ZBTB44: variants seen among roughly 807,000 people sequenced by gnomAD.
ZBTB44 encodes zinc finger and BTB domain-containing protein 44.
A neutral mutation model predicts 54.0 loss-of-function variants in ZBTB44; 15 were observed. That is an observed-to-expected ratio of 0.28 (90% confidence interval 0.19 to 0.43). ZBTB44 has a LOEUF of 0.43. Among genes scored for constraint, ZBTB44 ranks in the 20% least tolerant of loss-of-function variants. ZBTB44 has a pLI of 1.00. For synonymous variants in ZBTB44, 230 were observed against 250.1 expected (o/e 0.92, Z 0.76); for missense variants, 487 against 707.1 (o/e 0.69, Z 3.53).
chr11:130,301,177 A>T (rs1238498636), intron 1 of ZBTB44, among the ~76,000 whole-genome samples: 1 of 152,182 alleles, frequency 6.6e-6, no homozygotes, highest in African/African-American at 2.4e-5. Flanking sequence ...GCGGAGGCCC[A>T]GGCTGGGGAG....
intron 2 of ZBTB44, among the ~76,000 whole-genome samples, chr11:130,240,127 T>C (rs556536377): frequency 2.6e-5 from 4 of 151,278 alleles, no homozygotes; most frequent in East Asian, 2.0e-4. Flanking sequence ...CTGCAAGCTC[T>C]GCCTCCTGGG....
chr11:130,296,627 C>A lies in ZBTB44; in HGVS notation c.-57+17748G>T, dbSNP rs191458898. The A allele has an allele frequency of 4.6e-5, 41 of 893,866 alleles. No individual in the cohort carries two copies. In the East Asian group the frequency reaches 4.7e-4, roughly 10 times the overall value. The allele number at this position is 893,866 out of a possible 1,614,324, so 55.4% of individuals were successfully genotyped here. A position where few individuals can be genotyped will look rare whatever the true frequency, so the allele number is the denominator to read the frequency against. On this transcript the variant is annotated intron_variant, in intron 1 of 7. Transcript: ENST00000357899. ...CCTAAATGGGAGAAGACATGCCTTGCCCATTTTGGGCCCAGAATAATTGGG... is the reference window on the plus strand; with the variant it reads ...CCTAAATGGGAGAAGACATGCCTTGACCATTTTGGGCCCAGAATAATTGGG...
chr11:130,240,190 C>T (rs975825436), intron 2 of ZBTB44, among the ~76,000 whole-genome samples: 2 of 152,062 alleles, frequency 1.3e-5, no homozygotes, highest in African/African-American at 2.4e-5. Context: ...TACGGGCGCC[C>T]GACACCACGC....
intron 2 of ZBTB44, among the ~76,000 whole-genome samples, chr11:130,244,629 T>C (rs556457029): frequency 3.2e-4 from 45 of 141,276 alleles, no homozygotes; most frequent in African/African-American, 1.2e-3. Context: ...ATTGCGCCAC[T>C]GCACTCCAGC....
At position 130,239,909 on chromosome 11, in the gene ZBTB44, G is replaced by C; in HGVS notation, c.1019-13C>G. The C allele has an allele frequency of 6.3e-7, 1 of 1,598,580 alleles. No homozygotes were observed. The highest frequency in any genetic ancestry group is 8.6e-7 in the Non-Finnish European group (1 of 1,169,426). ...TCATCTACTGAGCCTGTGAATAAGA[G>C]AAAGAGGACCACTGTAATCCTTTGG... On this transcript the variant is annotated splice_polypyrimidine_tract_variant and intron_variant, in intron 2 of 7. Coordinates refer to ENST00000357899, the MANE Select transcript of ZBTB44 (RefSeq NM_001301098.2).
At chr11:130,311,044 T>C (rs1475967781) in intron 1 of ZBTB44, among the ~76,000 whole-genome samples, 1 of 152,226 alleles carries the variant, frequency 6.6e-6, no homozygotes, top group East Asian at 1.9e-4. Flanking sequence ...GTATTTCAAG[T>C]GACTTTTGAA....
At chr11:130,290,424 C>G (rs1448647057) in intron 1 of ZBTB44, among the ~76,000 whole-genome samples, 1 of 152,166 alleles carries the variant, frequency 6.6e-6, no homozygotes, top group Admixed American at 6.6e-5. Flanking sequence ...CCACAGAAAA[C>G]TAATACAATT....
chr11:130,311,656 C>A (rs1190688730), intron 1 of ZBTB44, among the ~76,000 whole-genome samples: 2 of 152,104 alleles, frequency 1.3e-5, no homozygotes, highest in East Asian at 1.9e-4. Flanking sequence ...TTTCTTAGTT[C>A]TCTCCTCTCA....
intron 4 of ZBTB44, among the ~76,000 whole-genome samples, chr11:130,237,525 G>A (rs1471796343): frequency 6.6e-6 from 1 of 152,130 alleles, no homozygotes; most frequent in East Asian, 1.9e-4. Flanking sequence ...AGAGAAACGA[G>A]AAGAAAGAAC....
intron 1 of ZBTB44, among the ~76,000 whole-genome samples, chr11:130,265,199 C>T (rs1447557209): frequency 6.6e-6 from 1 of 152,118 alleles, no homozygotes; most frequent in Non-Finnish European, 1.5e-5. Context: ...TCTAAATGAC[C>T]AAGTGAAAGG....
At chr11:130,257,238 T>TA (rs572669481) in intron 2 of ZBTB44, among the ~76,000 whole-genome samples, 3,275 of 109,148 alleles carry the variant, frequency 0.03, 127 homozygotes, top group African/African-American at 0.085. Context: ...TCCCAGATCT[T>TA]AAAAAAAAAA....
intron 1 of ZBTB44, among the ~76,000 whole-genome samples, chr11:130,272,724 C>A (rs1939767367): frequency 6.7e-6 from 1 of 149,748 alleles, no homozygotes; most frequent in African/African-American, 2.4e-5. Context: ...AAGTTTCAGG[C>A]CTTTAACCTA....
rs1246971626 is a variant in ZBTB44, at chr11:130,229,817, T to A, written c.*1947A>T. 1 of 152,162 alleles carries A rather than the reference T, an allele frequency of 6.6e-6. No homozygotes were observed. The highest frequency in any genetic ancestry group is 2.4e-5 in the African/African-American group (1 of 41,452). 9.4% of individuals were successfully genotyped at this position (152,162 alleles called of 1,614,324 possible). ...TAACTTACTTACAGTGAAAACTACA[T>A]TTATTTATTACCTTCTGGCAACTTT... On this transcript the variant is annotated 3_prime_UTR_variant, in exon 8 of 8. Transcript: ENST00000357899.
intron 1 of ZBTB44, among the ~76,000 whole-genome samples, chr11:130,290,008 T>C (rs1176724810): frequency 6.6e-6 from 1 of 152,216 alleles, no homozygotes; most frequent in Non-Finnish European, 1.5e-5. Flanking sequence ...TCTAATCCCT[T>C]GAATTTGTGA....
intron 1 of ZBTB44, among the ~76,000 whole-genome samples, chr11:130,281,601 TG>T (rs548610445): frequency 0.017 from 2,561 of 148,684 alleles, 90 homozygotes; most frequent in African/African-American, 0.059. Context: ...TGTTGTTTTT[TG>T]GGGGGGGGAT....
intron 2 of ZBTB44, among the ~76,000 whole-genome samples, chr11:130,252,556 C>T (rs186506404): frequency 8.5e-5 from 13 of 152,222 alleles, no homozygotes; most frequent in East Asian, 1.9e-4. Context: ...TGCAAAAGAA[C>T]GGAAATCGTA....
Position 130,290,327 on chromosome 11 carries a change from C to T in ZBTB44, c.-57+24048G>A, listed in dbSNP as rs1941229249. Among the ~76,000 whole-genome samples, 5 of 152,226 alleles carry T rather than the reference C, an allele frequency of 3.3e-5. No homozygotes were observed. In the South Asian group the frequency reaches 1.0e-3, roughly 31 times the overall value. ...GGAGCACTTGCCAACATCTTGATCT[C>T]AACCCAGTTATGATTATTTCAAGCT... On this transcript the variant is annotated intron_variant, in intron 1 of 7. Transcript: ENST00000357899.
rs1472266209 is a variant in ZBTB44 at position 130,261,202 on chromosome 11, A to G, written c.672T>C (p.Ser224=). The G allele has an allele frequency of 1.9e-6, 3 of 1,614,026 alleles. No homozygotes were observed. Among genetic ancestry groups the G allele is most frequent in the Non-Finnish European group, 2.5e-6 (3 of 1,179,884 alleles). Residue 224 remains serine (S), a synonymous_variant, in exon 2 of 8, where the codon TCT becomes TCC. Coordinates refer to ENST00000357899, the MANE Select transcript of ZBTB44 (RefSeq NM_001301098.2). The surrounding 1 kb of genome is among the most constrained non-coding windows in gnomAD (Gnocchi z 4.8). ...GAAAAGTCCAAGGAAAAGCTAAGGAAGAGTCAACTGGTTGGTTTCTATTTT... is the reference window on the plus strand; with the variant it reads ...GAAAAGTCCAAGGAAAAGCTAAGGAGGAGTCAACTGGTTGGTTTCTATTTT... ...YSENRNQPVD[S]SLAFPWTFPF...
In ZBTB44 at chr11:130,261,957, A is replaced by G; in HGVS notation, c.-56-28T>C. Reference sequence around the variant, plus strand: ...AAAAAATACATAAAATAAAGCATTAATTGATATTTTAGTGGTTTAAAATGT... The same window carrying G: ...AAAAAATACATAAAATAAAGCATTAGTTGATATTTTAGTGGTTTAAAATGT... On this transcript the variant is annotated intron_variant, in intron 1 of 7. Coordinates refer to ENST00000357899, the MANE Select transcript of ZBTB44 (RefSeq NM_001301098.2). The surrounding 1 kb of genome is among the most constrained non-coding windows in gnomAD (Gnocchi z 4.8). 1 of 1,391,372 alleles carries G rather than the reference A, an allele frequency of 7.2e-7. No homozygotes were observed. Among genetic ancestry groups the G allele is most frequent in the Non-Finnish European group, 9.5e-7 (1 of 1,054,456 alleles). The allele number at this position is 1,391,372 out of a possible 1,614,324, so 86.2% of individuals were successfully genotyped here.
Sources: gnomAD v4.1 joint callset for allele counts (sites outside exome capture counted in the v4.1 genomes callset) on GRCh38, gnomAD v4.1.1 for gene constraint, Gnocchi (gnomAD v3.1) non-coding constraint, MANE v1.5 for transcripts, NCBI Gene and HGNC (gene_info 2026-07-23, HGNC 2026-07-21) for gene names.